The following GAS7 variants were observed in gnomAD, a reference collection of about 807,000 sequenced individuals.
GAS7 encodes growth arrest specific 7.
GAS7 carries 28 observed loss-of-function variants against 71.1 expected under a neutral mutation model. That is an observed-to-expected ratio of 0.39 (90% CI 0.29 to 0.54). The LOEUF is 0.54. GAS7 is among the 20% of genes least tolerant of loss of function. The probability of loss-of-function intolerance (pLI) is 0.62; values close to 1 mark genes in which losing one functional copy is unlikely to be tolerated. For missense variants in GAS7, 436 were observed against 627.8 expected (o/e 0.69, Z 3.27); for synonymous variants, 258 against 245.8 (o/e 1.05, Z -0.46).
At chr17:10,084,143 G>C (rs1464642346) in intron 1 of GAS7, among the ~76,000 whole-genome samples, 1 of 152,060 alleles carries the variant, frequency 6.6e-6, no homozygotes, top group Admixed American at 6.5e-5. Flanking sequence ...ACTCCAGCCT[G>C]GGCAATAGAG....
At chr17:10,188,526 AT>A (rs552040777) in intron 1 of GAS7, among the ~76,000 whole-genome samples, 5 of 149,446 alleles carry the variant, frequency 3.3e-5, no homozygotes, top group Admixed American at 6.7e-5. Flanking sequence ...TGCCAATACC[AT>A]TTTTTTTTTA....
chr17:10,182,956 G>A (rs1218971213), intron 1 of GAS7, among the ~76,000 whole-genome samples: 1 of 152,136 alleles, frequency 6.6e-6, no homozygotes, highest in East Asian at 1.9e-4. Context: ...TTTTGTGTGG[G>A]AGTGCCCAGG....
In GAS7 at chr17:9,912,177, ACT is replaced by A. The variant is rs1363248301; in HGVS notation, c.*5049_*5050del. 1 of 232,100 alleles carries A rather than the reference ACT, an allele frequency of 4.3e-6. No individual in the cohort carries two copies. 14.4% of individuals were successfully genotyped at this position (232,100 alleles called of 1,614,324 possible). A position where few individuals can be genotyped will look rare whatever the true frequency, so the allele number is the denominator to read the frequency against. ...TACCTCATTCTTAACAGCTCATAAA[ACT>A]CTTAATTTTAGCTCCATTTGAATCT... On this transcript the variant is annotated 3_prime_UTR_variant, in exon 14 of 14. Transcript: ENST00000432992.
chr17:9,969,176 T>A lies in GAS7; in HGVS notation c.471+501A>T, dbSNP rs916406890. Among the ~76,000 whole-genome samples the A allele has an allele frequency of 2.0e-5, 3 of 152,200 alleles. No homozygotes were observed. The highest frequency in any genetic ancestry group is 7.2e-5 in the African/African-American group (3 of 41,444). Reference sequence around the variant, plus strand: ...ATGTTTGCATAAACATCAAGTAGGATGGAGACTGAGAAAACAGTTTGGAAA... The same window carrying A: ...ATGTTTGCATAAACATCAAGTAGGAAGGAGACTGAGAAAACAGTTTGGAAA... On this transcript the variant is annotated intron_variant, in intron 4 of 13. Transcript: ENST00000432992. The surrounding 1 kb of genome is among the most constrained non-coding windows in gnomAD (Gnocchi z 5.5).
intron 1 of GAS7, among the ~76,000 whole-genome samples, chr17:10,041,250 G>A (rs1161419533): frequency 6.6e-6 from 1 of 152,010 alleles, no homozygotes. Flanking sequence ...ACAGGTTTGT[G>A]AAATTAAAAT....
At chr17:10,039,137 C>T (rs9905556) in intron 1 of GAS7, among the ~76,000 whole-genome samples, 7,765 of 151,244 alleles carry the variant, frequency 0.051, 364 homozygotes, top group African/African-American at 0.13. Context: ...GATGGCTGCA[C>T]AAACACGTGG....
Position 10,116,443 on chromosome 17 carries a change from G to A in GAS7, c.183+81765C>T, listed in dbSNP as rs116440258. ...ACCTGGCTGCTGCAGGGCTTACCCC[G>A]GGGAATGCAAGCTGAAGAAGAGTGC... On this transcript the variant is annotated intron_variant, in intron 1 of 13. Transcript: ENST00000432992. Among the ~76,000 whole-genome samples, 209 of 152,208 alleles carry A rather than the reference G, an allele frequency of 1.4e-3. 1 individual carries two copies. The highest frequency in any genetic ancestry group is 4.6e-3 in the African/African-American group (193 of 41,560).
At position 10,113,348 on chromosome 17, in the gene GAS7, A is replaced by G. The variant is rs143399295; in HGVS notation, c.183+84860T>C. The stretch of plus-strand genomic sequence containing the variant: ...TCAACCTCAGAAACTTGCCCTTCAG[A>G]GACCCTCACCCACGTGCAGAATGAT... On this transcript the variant is annotated intron_variant, in intron 1 of 13. Coordinates refer to ENST00000432992, the MANE Select transcript of GAS7 (RefSeq NM_201433.2). Among the ~76,000 whole-genome samples, 30 of 152,340 alleles carry G rather than the reference A, an allele frequency of 2.0e-4. No homozygotes were observed. In the East Asian group the frequency reaches 5.6e-3, roughly 28 times the overall value.
At chr17:10,197,262 T>C (rs984072504) in intron 1 of GAS7, among the ~76,000 whole-genome samples, 21 of 152,150 alleles carry the variant, frequency 1.4e-4, no homozygotes, top group Admixed American at 1.3e-3. Context: ...ATAAATAAAT[T>C]CAGCCTCCAT....
chr17:10,180,742 T>C (rs2074408324), intron 1 of GAS7, among the ~76,000 whole-genome samples: 1 of 152,112 alleles, frequency 6.6e-6, no homozygotes, highest in Admixed American at 6.6e-5. Flanking sequence ...GGGATTTTTA[T>C]TGTTTTGTAT....
intron 7 of GAS7, among the ~76,000 whole-genome samples, chr17:9,941,612 C>T (rs1168680027): frequency 6.6e-6 from 1 of 152,226 alleles, no homozygotes; most frequent in Non-Finnish European, 1.5e-5. Context: ...CTCTAGGAAG[C>T]CCGGAATGTC....
At chr17:10,042,581 C>T (rs547871323) in intron 1 of GAS7, among the ~76,000 whole-genome samples, 86 of 152,106 alleles carry the variant, frequency 5.7e-4, no homozygotes, top group African/African-American at 1.8e-3. Context: ...GAAGCTAAGT[C>T]GCAAACATGG....
At chr17:9,946,817 G>A in intron 6 of GAS7, 77 bp downstream of exon 6, 1 of 845,012 alleles carries the variant, frequency 1.2e-6, no homozygotes, top group East Asian at 2.6e-5. Flanking sequence ...TTGAGATCCA[G>A]GTCCCTCCTA....
In GAS7 at chr17:9,919,969, TTGTGTGTG is replaced by T. The variant is rs34994635; in HGVS notation, c.1139-272_1139-265del. Among the ~76,000 whole-genome samples, 2,339 of 131,450 alleles carry T rather than the reference TTGTGTGTG, an allele frequency of 0.018. 76 individuals carry two copies. The highest frequency in any genetic ancestry group is 0.074 in the Admixed American group (951 of 12,858). The allele number at this position is 131,450 out of a possible 152,430, so 86.2% of individuals were successfully genotyped here. ...AGGATTCAGGATGGTGGTTCTCATTTTGTGTGTGTGTGTGTGTGTGTGTGTGTGTGTGT... is the reference window on the plus strand; with the variant it reads ...AGGATTCAGGATGGTGGTTCTCATTTTGTGTGTGTGTGTGTGTGTGTGTGT... On this transcript the variant is annotated intron_variant, in intron 11 of 13. Transcript: ENST00000432992. The surrounding 1 kb of genome is among the most constrained non-coding windows in gnomAD (Gnocchi z 5.0).
intron 8 of GAS7, among the ~76,000 whole-genome samples, chr17:9,936,777 T>C (rs2068417893): frequency 6.6e-6 from 1 of 152,230 alleles, no homozygotes; most frequent in African/African-American, 2.4e-5. Context: ...CAAATCAAAA[T>C]GCATGTTGTT....
intron 1 of GAS7, among the ~76,000 whole-genome samples, chr17:10,058,047 C>A (rs564724870): frequency 6.6e-6 from 1 of 152,158 alleles, no homozygotes; most frequent in Non-Finnish European, 1.5e-5. Context: ...TGCTTGAAGG[C>A]AGCATGCTTG....
At chr17:9,939,570 GAACGTGGCTCTTGGTCACTAA>G (rs2068523379) in intron 8 of GAS7, among the ~76,000 whole-genome samples, 1 of 152,120 alleles carries the variant, frequency 6.6e-6, no homozygotes, top group Admixed American at 6.5e-5. Flanking sequence ...TCAACATCTG[GAACGTGGCTCTTGGTCACTAA>G]AGAGAAGACA....
chr17:10,106,173 C>T (rs572122583), intron 1 of GAS7, among the ~76,000 whole-genome samples: 289 of 152,352 alleles, frequency 1.9e-3, no homozygotes, highest in African/African-American at 6.5e-3. Flanking sequence ...CCCAAAAGTG[C>T]CATGCGTATT....
chr17:10,113,654 G>T (rs1357190088), intron 1 of GAS7, among the ~76,000 whole-genome samples: 1 of 152,152 alleles, frequency 6.6e-6, no homozygotes, highest in Non-Finnish European at 1.5e-5. Context: ...CCGACACACG[G>T]TTTCCTGGGT....
Sources: allele counts gnomAD v4.1 joint callset (sites outside exome capture counted in the v4.1 genomes callset), GRCh38; gene constraint gnomAD v4.1.1; non-coding constraint Gnocchi (gnomAD v3.1); transcripts MANE v1.5; gene names NCBI Gene and HGNC (gene_info 2026-07-23, HGNC 2026-07-21).